The following SLFN5 variants were observed in gnomAD, a reference collection of about 807,000 sequenced individuals.
SLFN5 encodes the protein schlafen family member 5.
A neutral mutation model predicts 48.5 loss-of-function variants in SLFN5; 34 were observed. The ratio of observed to expected loss-of-function variants is 0.70; its 90% CI spans 0.53 to 0.93. SLFN5 has a LOEUF of 0.93. Ranked by LOEUF, SLFN5 falls within the 40% of genes least tolerant of loss-of-function variation. The pLI, the probability that SLFN5 is intolerant of heterozygous loss-of-function variation, is 0.00. For synonymous variants in SLFN5, 387 were observed against 396.2 expected, an observed-to-expected ratio of 0.98 and a Z score of 0.28; for missense variants, 1,006 against 1,071.3, an observed-to-expected ratio of 0.94 and a Z score of 0.85.
intron 1 of SLFN5, among the ~76,000 whole-genome samples, chr17:35,251,486 AG>A (rs2092442262): frequency 1.3e-5 from 2 of 152,066 alleles, no homozygotes; most frequent in African/African-American, 2.4e-5. Flanking sequence ...GCTCACTGCA[AG>A]CTCCGCCTCC....
At chr17:35,259,950 C>G (rs555311536) in intron 2 of SLFN5, 1 of 479,598 alleles carries the variant, frequency 2.1e-6, no homozygotes, top group South Asian at 3.3e-5. Context: ...AAGGCTGGTG[C>G]AGGGGGCTGT....
intron 1 of SLFN5, among the ~76,000 whole-genome samples, chr17:35,244,962 G>A (rs1295673316): frequency 1.3e-5 from 2 of 152,078 alleles, no homozygotes; most frequent in Admixed American, 6.6e-5. Context: ...GGAAGAAGAG[G>A]AAAATGCTGT....
chr17:35,265,154 A>C lies in SLFN5; in HGVS notation c.1942A>C (p.Ile648Leu). ...NNFEHIQHII[I>L]DDAQNFRTED... The stretch of plus-strand genomic sequence containing the variant: ...CTTTGAACACATCCAGCACATTATC[A>C]TTGATGACGCTCAGAATTTCCGTAC... The change falls in exon 5 of 5, where the codon ATT (isoleucine) becomes CTT (leucine). Residue 648 changes from isoleucine (I) to leucine (L), a missense_variant. Transcript: ENST00000299977. 2.5e-6 allele frequency: 4 copies of C among 1,614,196 alleles called. No individual in the cohort carries two copies. Among genetic ancestry groups the C allele is most frequent in the Non-Finnish European group, 3.4e-6 (4 of 1,180,026 alleles).
Position 35,265,620 on chromosome 17 carries a change from A to G in SLFN5, c.2408A>G (p.Tyr803Cys), listed in dbSNP as rs1287226824. Reference sequence around the variant, plus strand: ...ACCAAAGCAAGTGAAGTGGAAAAATATAAAGACAGGCTTCTAACAGCAATG... The same window carrying G: ...ACCAAAGCAAGTGAAGTGGAAAAATGTAAAGACAGGCTTCTAACAGCAATG... ...LFTKASEVEK[Y>C]KDRLLTAMRK... Residue 803 changes from tyrosine to cysteine, a missense_variant, in exon 5 of 5, where the codon TAT (tyrosine) becomes TGT (cysteine). Tyr to Cys is a radical substitution (Grantham distance 194). Coordinates refer to ENST00000299977, the MANE Select transcript of SLFN5 (RefSeq NM_144975.4). 6.2e-7 allele frequency: 1 copy of G among 1,614,238 alleles called. No individual in the cohort carries two copies. Among genetic ancestry groups the G allele is most frequent in the Admixed American group, 1.7e-5 (1 of 60,024 alleles).
At chr17:35,262,401 G>GGAAAA (rs1050390022) in intron 3 of SLFN5, among the ~76,000 whole-genome samples, 2 of 150,006 alleles carry the variant, frequency 1.3e-5, no homozygotes, top group African/African-American at 4.9e-5. Flanking sequence ...AAAAAGAAAA[G>GGAAAA]GAAAAGAAAA....
Position 35,264,512 on chromosome 17 carries a change from A to T in SLFN5, c.1468A>T (p.Ile490Phe). Residue 490 changes from isoleucine to phenylalanine, a missense_variant, in exon 4 of 5, where the codon ATC (isoleucine) becomes TTC (phenylalanine). Physicochemically the swap from Ile to Phe is conservative, Grantham distance 21. Coordinates refer to ENST00000299977, the MANE Select transcript of SLFN5 (RefSeq NM_144975.4). ...NKGGYTGRLCITPLVCVLNSD... is the reference protein window; with the variant it reads ...NKGGYTGRLCFTPLVCVLNSD... The stretch of plus-strand genomic sequence containing the variant: ...AGGCGGCTACACTGGGAGGTTATGC[A>T]TCACCCCCTTGGTCTGTGTGCTGAA... 6.2e-7 allele frequency: 1 copy of T among 1,614,102 alleles called. No homozygotes were observed. The highest frequency in any genetic ancestry group is 1.1e-5 in the South Asian group (1 of 91,066).
chr17:35,262,101 C>T (rs1021672146), intron 3 of SLFN5, among the ~76,000 whole-genome samples: 1 of 152,002 alleles, frequency 6.6e-6, no homozygotes, highest in Non-Finnish European at 1.5e-5. Context: ...CAAGTAGTGG[C>T]CAGGCACAGT....
At chr17:35,262,530 C>A (rs1414900507) in intron 3 of SLFN5, among the ~76,000 whole-genome samples, 1 of 152,028 alleles carries the variant, frequency 6.6e-6, no homozygotes, top group Non-Finnish European at 1.5e-5. Context: ...CGGCATTTCT[C>A]TTCTGGAAGA....
intron 1 of SLFN5, among the ~76,000 whole-genome samples, chr17:35,248,152 T>A (rs2092434898): frequency 6.6e-6 from 1 of 152,172 alleles, no homozygotes; most frequent in African/African-American, 2.4e-5. Context: ...CTCATGCACC[T>A]ACCTTCCTAC....
intron 1 of SLFN5, among the ~76,000 whole-genome samples, chr17:35,250,331 T>C (rs12946316): frequency 0.51 from 78,172 of 151,978 alleles, 20,996 homozygotes; most frequent in Middle Eastern, 0.6. Flanking sequence ...CAGAGATTCA[T>C]TGAAGCCCCT....
At chr17:35,253,081 T>C (rs1368893972) in intron 1 of SLFN5, among the ~76,000 whole-genome samples, 1 of 151,960 alleles carries the variant, frequency 6.6e-6, no homozygotes, top group East Asian at 1.9e-4. Context: ...AAGTCCAAGG[T>C]GCTGAGAGAT....
At chr17:35,259,835 A>T (rs1904471313) in intron 2 of SLFN5, 133 bp downstream of exon 2, 2 of 1,036,648 alleles carry the variant, frequency 1.9e-6, no homozygotes, top group South Asian at 1.6e-5. Flanking sequence ...CAATTGTCTG[A>T]CTTATTAATC....
rs982955311 is a variant in SLFN5, at chr17:35,273,012, T to C, written c.*7124T>C. The C allele has an allele frequency of 6.6e-6, 1 of 152,202 alleles. No homozygotes were observed. The highest frequency in any genetic ancestry group is 1.5e-5 in the Non-Finnish European group (1 of 68,026). The allele number at this position is 152,202 out of a possible 1,614,324, so 9.4% of individuals were successfully genotyped here. On this transcript the variant is annotated 3_prime_UTR_variant, in exon 5 of 5. Coordinates refer to ENST00000299977, the MANE Select transcript of SLFN5 (RefSeq NM_144975.4). Reference sequence around the variant, plus strand: ...TGTGAAATACTTCTATACAGGTGATTGAATTTCACTTTATTCCTAAGAGCA... The same window carrying C: ...TGTGAAATACTTCTATACAGGTGATCGAATTTCACTTTATTCCTAAGAGCA...
In SLFN5 at chr17:35,271,020, T is replaced by C. The variant is rs1904817703; in HGVS notation, c.*5132T>C. 2 of 152,178 alleles carry C rather than the reference T, an allele frequency of 1.3e-5. No individual in the cohort carries two copies. The highest frequency in any genetic ancestry group is 2.4e-5 in the African/African-American group (1 of 41,428). The allele number at this position is 152,178 out of a possible 1,614,324, so 9.4% of individuals were successfully genotyped here. The stretch of plus-strand genomic sequence containing the variant: ...GAAAATCTACAAAAAGAAGTGTGAA[T>C]TTGACAATAACTATTTCACTAGCAA... On this transcript the variant is annotated 3_prime_UTR_variant, in exon 5 of 5. Transcript: ENST00000299977.
At chr17:35,249,060 G>A (rs2092436761) in intron 1 of SLFN5, among the ~76,000 whole-genome samples, 1 of 152,158 alleles carries the variant, frequency 6.6e-6, no homozygotes, top group Non-Finnish European at 1.5e-5. Flanking sequence ...AAATAAAACT[G>A]TTGGACTTTT....
intron 1 of SLFN5, among the ~76,000 whole-genome samples, chr17:35,246,525 A>G (rs754725099): frequency 6.6e-6 from 1 of 152,130 alleles, no homozygotes; most frequent in Non-Finnish European, 1.5e-5. Flanking sequence ...CAGAAGGAGA[A>G]GTTCTTAAAG....
At chr17:35,260,914 G>A (rs1904501735) in intron 2 of SLFN5, 57 bp from the exon 3 acceptor site, 3 of 1,601,842 alleles carry the variant, frequency 1.9e-6, no homozygotes, top group Non-Finnish European at 2.6e-6. Context: ...GCACAGCTCA[G>A]CTATAAGTTG....
chr17:35,250,010 C>T (rs1340016317), intron 1 of SLFN5, among the ~76,000 whole-genome samples: 2 of 152,208 alleles, frequency 1.3e-5, no homozygotes, highest in African/African-American at 4.8e-5. Flanking sequence ...ATGGCTCGAA[C>T]CTACAGTTGA....
intron 1 of SLFN5, among the ~76,000 whole-genome samples, chr17:35,246,957 T>G (rs770682825): frequency 6.6e-6 from 1 of 152,174 alleles, no homozygotes; most frequent in African/African-American, 2.4e-5. Context: ...CTCTAGAAAT[T>G]TTATGGTTGA....
Sources: allele counts gnomAD v4.1 joint callset (sites outside exome capture counted in the v4.1 genomes callset), GRCh38; gene constraint gnomAD v4.1.1; transcripts MANE v1.5; gene names NCBI Gene and HGNC (gene_info 2026-07-23, HGNC 2026-07-21).